METTL8: variants seen among roughly 807,000 people sequenced by gnomAD.
METTL8 encodes the protein tRNA N(3)-cytidine methyltransferase METTL8, mitochondrial.
METTL8 carries 32 observed loss-of-function variants against 48.7 expected under a neutral mutation model. The ratio of observed to expected loss-of-function variants is 0.66; its 90% CI spans 0.50 to 0.88. The LOEUF (loss-of-function observed/expected upper bound fraction) is 0.88. Ranked by LOEUF, METTL8 falls within the 40% of genes least tolerant of loss-of-function variation. METTL8 has a pLI of 0.00. For synonymous variants in METTL8, 136 were observed against 157.1 expected (o/e 0.87, Z 1.01); for missense variants, 464 against 474.4 (o/e 0.98, Z 0.20).
intron 3 of METTL8, among the ~76,000 whole-genome samples, chr2:171,353,817 T>C (rs902538840): frequency 6.6e-6 from 1 of 152,212 alleles, no homozygotes; most frequent in African/African-American, 2.4e-5. Flanking sequence ...GCTTGGTAGA[T>C]CTTCCTCCAT....
intron 1 of METTL8, among the ~76,000 whole-genome samples, chr2:171,417,777 G>A (rs1049053772): frequency 5.3e-5 from 8 of 152,160 alleles, no homozygotes; most frequent in African/African-American, 1.9e-4. Flanking sequence ...ATGTGATATA[G>A]TTTCCCCCAC....
chr2:171,330,485 G>T, intron 7 of METTL8, 74 bp downstream of exon 7: 2 of 1,402,196 alleles, frequency 1.4e-6, no homozygotes, highest in Admixed American at 4.4e-5. Context: ...TGTCATTTTT[G>T]CTTTGATAGT....
chr2:171,430,403 G>A (rs1317767276), intron 1 of METTL8, among the ~76,000 whole-genome samples: 1 of 152,064 alleles, frequency 6.6e-6, no homozygotes, highest in Non-Finnish European at 1.5e-5. Context: ...AGGGGCTAGG[G>A]GAGGGATAGC....
At chr2:171,423,335 A>G (rs1162006911) in intron 1 of METTL8, among the ~76,000 whole-genome samples, 1 of 152,194 alleles carries the variant, frequency 6.6e-6, no homozygotes, top group Non-Finnish European at 1.5e-5. Context: ...ATACCCAAAA[A>G]TGTGGAAGCA....
intron 7 of METTL8, among the ~76,000 whole-genome samples, chr2:171,328,758 C>G (rs1685216982): frequency 6.6e-6 from 1 of 151,948 alleles, no homozygotes; most frequent in Non-Finnish European, 1.5e-5. Context: ...GGCATGATCT[C>G]CACACACTGC....
At chr2:171,353,642 G>A (rs1456145312) in intron 3 of METTL8, among the ~76,000 whole-genome samples, 1 of 152,170 alleles carries the variant, frequency 6.6e-6, no homozygotes, top group African/African-American at 2.4e-5. Flanking sequence ...GAATTTGGGT[G>A]CTCCTGTATT....
At chr2:171,331,909 AG>A in intron 5 of METTL8, 42 bp from the exon 6 acceptor site, 1 of 1,458,256 alleles carries the variant, frequency 6.9e-7, no homozygotes, top group Non-Finnish European at 9.4e-7. Flanking sequence ...TTTTGGAGAC[AG>A]GGTCTTGCGC....
chr2:171,422,615 G>T (rs1691989849), intron 1 of METTL8, among the ~76,000 whole-genome samples: 1 of 152,008 alleles, frequency 6.6e-6, no homozygotes, highest in South Asian at 2.1e-4. Flanking sequence ...CTAAACTCAA[G>T]AAGAAAAAGA....
At position 171,360,533 on chromosome 2, in the gene METTL8, T is replaced by C; in HGVS notation, c.144-20A>G. ...TGATCCCTATTAAAAAAAAATAGAC[T>C]GTAAAATATGCTTTATCATTGAAGA... is the stretch of plus-strand genomic sequence containing the variant. On this transcript the variant is annotated intron_variant, in intron 2 of 9. Coordinates refer to ENST00000375258, the MANE Select transcript of METTL8 (RefSeq NM_001321154.2). 6.3e-7 allele frequency: 1 copy of C among 1,596,608 alleles called. No individual in the cohort carries two copies. Among genetic ancestry groups the C allele is most frequent in the Non-Finnish European group, 8.5e-7 (1 of 1,169,938 alleles).
At chr2:171,325,547 A>G (rs1684860129) in intron 9 of METTL8, among the ~76,000 whole-genome samples, 1 of 152,140 alleles carries the variant, frequency 6.6e-6, no homozygotes, top group Admixed American at 6.5e-5. Context: ...GGCTATCATC[A>G]ATTTTTTTCA....
At position 171,392,112 on chromosome 2, in the gene METTL8, TAAC is replaced by T; in HGVS notation, c.71_73del (p.Gly24_Tyr25delinsAsp). On this transcript the variant is annotated inframe_deletion, in exon 2 of 10. Coordinates refer to ENST00000375258, the MANE Select transcript of METTL8 (RefSeq NM_001321154.2). ...TGATCCCAGAGGGGCCACTGGGTGG[TAAC>T]CACTTTGGTATCTGTGTGGCACCTT... 2 of 1,551,588 alleles carry T rather than the reference TAAC, an allele frequency of 1.3e-6. No individual in the cohort carries two copies. The highest frequency in any genetic ancestry group is 1.7e-6 in the Non-Finnish European group (2 of 1,146,882).
At position 171,321,246 on chromosome 2, in the gene METTL8, CT is replaced by C. The variant is rs1684509377; in HGVS notation, c.*2925del. 1 of 152,154 alleles carries C rather than the reference CT, an allele frequency of 6.6e-6. No homozygotes were observed. The highest frequency in any genetic ancestry group is 2.4e-5 in the African/African-American group (1 of 41,396). 9.4% of individuals were successfully genotyped at this position (152,154 alleles called of 1,614,324 possible). On this transcript the variant is annotated 3_prime_UTR_variant, in exon 10 of 10. Coordinates refer to ENST00000375258, the MANE Select transcript of METTL8 (RefSeq NM_001321154.2). ...TTTTGACAGCAGTGTCTTGATTTTC[CT>C]TTGAAGAACTTTCTTCCATTCCAGG...
chr2:171,332,929 G>A (rs542094086), intron 5 of METTL8: 2 of 152,044 alleles, frequency 1.3e-5, no homozygotes, highest in African/African-American at 4.8e-5. Flanking sequence ...ACTGGTATAT[G>A]GCAGGATAAA....
chr2:171,378,153 A>G (rs1687159948), intron 2 of METTL8, among the ~76,000 whole-genome samples: 1 of 152,222 alleles, frequency 6.6e-6, no homozygotes, highest in Non-Finnish European at 1.5e-5. Flanking sequence ...CAAACTGGAT[A>G]GAGTCAAGAC....
intron 2 of METTL8, among the ~76,000 whole-genome samples, chr2:171,383,245 T>G (rs1687741814): frequency 6.6e-6 from 1 of 152,116 alleles, no homozygotes; most frequent in South Asian, 2.1e-4. Flanking sequence ...CCCATTGAGA[T>G]TCTGTAAACT....
At chr2:171,401,867 A>C (rs879931643) in intron 1 of METTL8, among the ~76,000 whole-genome samples, 5 of 152,126 alleles carry the variant, frequency 3.3e-5, no homozygotes, top group Admixed American at 3.3e-4. Context: ...GAAAAAAGTA[A>C]ATCCTTTTGT....
chr2:171,365,012 A>G (rs548546336), intron 2 of METTL8, among the ~76,000 whole-genome samples: 31 of 152,194 alleles, frequency 2.0e-4, no homozygotes, highest in Non-Finnish European at 4.0e-4. Flanking sequence ...GATTTCAATA[A>G]TTCTTAATTC....
chr2:171,371,555 C>T (rs193227494), intron 2 of METTL8, among the ~76,000 whole-genome samples: 1 of 152,050 alleles, frequency 6.6e-6, no homozygotes, highest in African/African-American at 2.4e-5. Flanking sequence ...TGACGTTTCA[C>T]CATATAGGCC....
rs937867538 is a variant in METTL8, at chr2:171,320,654, G to A, written c.*3518C>T. 2.6e-5 allele frequency: 4 copies of A among 152,180 alleles called. No individual in the cohort carries two copies. The highest frequency in any genetic ancestry group is 4.8e-5 in the African/African-American group (2 of 41,430). 9.4% of individuals were successfully genotyped at this position (152,180 alleles called of 1,614,324 possible). A position where few individuals can be genotyped will look rare whatever the true frequency, so the allele number is the denominator to read the frequency against. Reference sequence around the variant, plus strand: ...TTCATGACTAGTTTGGCTTTTTAATGTACACTTTAATTATGAAATACAACT... The same window carrying A: ...TTCATGACTAGTTTGGCTTTTTAATATACACTTTAATTATGAAATACAACT... On this transcript the variant is annotated 3_prime_UTR_variant, in exon 10 of 10. Transcript: ENST00000375258.
Sources: allele counts gnomAD v4.1 joint callset (sites outside exome capture counted in the v4.1 genomes callset), GRCh38; gene constraint gnomAD v4.1.1; transcripts MANE v1.5; gene names NCBI Gene and HGNC (gene_info 2026-07-23, HGNC 2026-07-21).